Variants in PPP2R2B observed in about 807,000 individuals in gnomAD.
PPP2R2B encodes protein phosphatase 2 regulatory subunit Bbeta, also known as serine/threonine-protein phosphatase 2A 55 kDa regulatory subunit B beta isoform.
Under a neutral mutation model 46.0 loss-of-function variants are expected in PPP2R2B, and 5 were observed. The ratio of observed to expected loss-of-function variants is 0.11; its 90% CI spans 0.06 to 0.23. The LOEUF is 0.23. Among genes scored for constraint, PPP2R2B ranks in the 10% least tolerant of loss-of-function variants. The pLI is 1.00. For missense variants in PPP2R2B, 367 were observed against 575.0 expected (o/e 0.64, Z 3.70); for synonymous variants, 215 against 206.7 (o/e 1.04, Z -0.34).
intron 2 of PPP2R2B, among the ~76,000 whole-genome samples, chr5:146,754,475 G>A (rs1561880911): frequency 6.6e-6 from 1 of 152,152 alleles, no homozygotes; most frequent in Non-Finnish European, 1.5e-5. Flanking sequence ...TGTGCACTAT[G>A]CCATATGTAG....
intron 2 of PPP2R2B, among the ~76,000 whole-genome samples, chr5:146,864,292 G>C (rs2151398384): frequency 6.8e-6 from 1 of 146,662 alleles, no homozygotes; most frequent in East Asian, 2.0e-4. Context: ...AGTTTTGGGA[G>C]AAGACTAGAG....
At position 146,763,936 on chromosome 5, in the gene PPP2R2B, A is replaced by G. The variant is rs536445367; in HGVS notation, c.71-62794T>C. ...AGAGGGGGGTCTCACTATATTGCAC[A>G]GGCTAGTCTTGAACTTCTGCCCTCA... On this transcript the variant is annotated intron_variant, in intron 2 of 9. Transcript: ENST00000394411. Among the ~76,000 whole-genome samples the G allele has an allele frequency of 3.3e-5, 5 of 152,132 alleles. No individual in the cohort carries two copies. In the South Asian group the frequency reaches 8.3e-4, roughly 25 times the overall value.
At chr5:146,661,449 T>C (rs1157489184) in intron 5 of PPP2R2B, among the ~76,000 whole-genome samples, 2 of 152,052 alleles carry the variant, frequency 1.3e-5, no homozygotes, top group Non-Finnish European at 2.9e-5. Context: ...GATATATACA[T>C]ATATACATAA....
At chr5:146,876,298 T>G (rs1048151646) in intron 2 of PPP2R2B, among the ~76,000 whole-genome samples, 1 of 152,238 alleles carries the variant, frequency 6.6e-6, no homozygotes, top group Non-Finnish European at 1.5e-5. Context: ...CATTTTTAAC[T>G]GATTTCTTCA....
At chr5:147,012,959 C>T (rs189303972) in intron 1 of PPP2R2B, among the ~76,000 whole-genome samples, 44 of 151,872 alleles carry the variant, frequency 2.9e-4, no homozygotes, top group Admixed American at 7.2e-4. Flanking sequence ...TGTTTGCAGA[C>T]GACATGATTG....
intron 4 of PPP2R2B, among the ~76,000 whole-genome samples, chr5:146,695,016 C>T (rs762563258): frequency 6.6e-6 from 1 of 151,848 alleles, no homozygotes; most frequent in Non-Finnish European, 1.5e-5. Context: ...AAGGACTAAT[C>T]GTAGGAGGCT....
intron 1 of PPP2R2B, among the ~76,000 whole-genome samples, chr5:147,050,103 T>A (rs769173414): frequency 3.9e-5 from 6 of 152,106 alleles, no homozygotes; most frequent in Non-Finnish European, 7.3e-5. Context: ...TGACCCAGCT[T>A]AAAGTGGAGG....
intron 2 of PPP2R2B, among the ~76,000 whole-genome samples, chr5:146,739,084 A>T (rs1752714183): frequency 6.6e-6 from 1 of 151,960 alleles, no homozygotes; most frequent in Admixed American, 6.6e-5. Context: ...TAGTGGTGTG[A>T]TCACGGCTCA....
intron 2 of PPP2R2B, among the ~76,000 whole-genome samples, chr5:146,747,829 C>G (rs371937303): frequency 6.6e-6 from 1 of 152,116 alleles, no homozygotes; most frequent in Non-Finnish European, 1.5e-5. Flanking sequence ...TAGTTTGAAC[C>G]TAACTACTTA....
At position 146,764,800 on chromosome 5, in the gene PPP2R2B, CGAGA is replaced by C. The variant is rs67810307; in HGVS notation, c.71-63662_71-63659del. On this transcript the variant is annotated intron_variant, in intron 2 of 9. Transcript: ENST00000394411. ...GTCTCTTTATGGAACATCTCTATCCCGAGAGAGAGAGAGAGAGAGAGAGAGAGAT... is the reference window on the plus strand; with the variant it reads ...GTCTCTTTATGGAACATCTCTATCCCGAGAGAGAGAGAGAGAGAGAGAGAT... Among the ~76,000 whole-genome samples, 701 of 149,928 alleles carry C rather than the reference CGAGA, an allele frequency of 4.7e-3. 4 individuals carry two copies. The highest frequency in any genetic ancestry group is 0.015 in the African/African-American group (619 of 40,710).
chr5:147,064,297 AT>A (rs1243336918), intron 2 of PPP2R2B, among the ~76,000 whole-genome samples: 3 of 152,150 alleles, frequency 2.0e-5, no homozygotes, highest in African/African-American at 7.2e-5. Flanking sequence ...GGACAAGGTA[AT>A]TGTTGTGTGC....
At chr5:146,769,462 TTTC>T (rs1260578660) in intron 2 of PPP2R2B, among the ~76,000 whole-genome samples, 1 of 152,170 alleles carries the variant, frequency 6.6e-6, no homozygotes, top group Non-Finnish European at 1.5e-5. Flanking sequence ...ACTATAATCG[TTTC>T]TTCTTATTAT....
intron 1 of PPP2R2B, among the ~76,000 whole-genome samples, chr5:146,990,157 C>T (rs1440848958): frequency 6.6e-6 from 1 of 150,872 alleles, no homozygotes; most frequent in Admixed American, 6.6e-5. Flanking sequence ...CCATATTATC[C>T]AAAGTAATCT....
Position 146,857,151 on chromosome 5 carries a change from G to A in PPP2R2B, c.70+20851C>T, listed in dbSNP as rs1219688182. ...GCAGGGCTAGGAGCAGTGGGTGAAA[G>A]AGAATGCTCTGGTGCAGAACAACTT... On this transcript the variant is annotated intron_variant, in intron 2 of 9. Coordinates refer to ENST00000394411, the MANE Select transcript of PPP2R2B (RefSeq NM_181675.4). 2.0e-5 allele frequency among the ~76,000 whole-genome samples: 3 copies of A among 152,262 alleles called. No individual in the cohort carries two copies. The East Asian group carries it at 5.8e-4, about 29-fold the overall frequency.
At chr5:146,931,269 C>A (rs557176513) in intron 1 of PPP2R2B, among the ~76,000 whole-genome samples, 85 of 152,204 alleles carry the variant, frequency 5.6e-4, no homozygotes, top group African/African-American at 2.0e-3. Flanking sequence ...TTTCTGAGTG[C>A]AGATCCAATC....
At chr5:146,996,492 G>A (rs531441512) in intron 1 of PPP2R2B, among the ~76,000 whole-genome samples, 3 of 152,302 alleles carry the variant, frequency 2.0e-5, no homozygotes, top group East Asian at 1.9e-4. Context: ...ACACTGAGAA[G>A]ACGGGATTGT....
chr5:146,828,025 C>G (rs1048342416), intron 2 of PPP2R2B, among the ~76,000 whole-genome samples: 2 of 148,072 alleles, frequency 1.4e-5, no homozygotes, highest in African/African-American at 2.5e-5. Flanking sequence ...GAGAGAGAGA[C>G]AGAGACAGAG....
chr5:146,988,354 A>C (rs1753527277), intron 1 of PPP2R2B, among the ~76,000 whole-genome samples: 1 of 152,008 alleles, frequency 6.6e-6, no homozygotes. Context: ...TCTAAGATAG[A>C]ATGTATTTTA....
chr5:146,850,681 C>T (rs1030460148), intron 2 of PPP2R2B, among the ~76,000 whole-genome samples: 16 of 152,120 alleles, frequency 1.1e-4, no homozygotes, highest in Non-Finnish European at 2.2e-4. Flanking sequence ...TGTCTAGGTC[C>T]AATAATCCTC....
Sources: gnomAD v4.1 joint callset for allele counts (sites outside exome capture counted in the v4.1 genomes callset) on GRCh38, gnomAD v4.1.1 for gene constraint, MANE v1.5 for transcripts, NCBI Gene and HGNC (gene_info 2026-07-23, HGNC 2026-07-21) for gene names.